The following PTPRA variants were observed in gnomAD, a reference collection of about 807,000 sequenced individuals.
The protein encoded by PTPRA is protein tyrosine phosphatase receptor type A, also known as receptor-type tyrosine-protein phosphatase alpha.
A neutral mutation model predicts 104.8 loss-of-function variants in PTPRA; 25 were observed. That is an observed-to-expected ratio of 0.24 (90% CI 0.17 to 0.33). The LOEUF (loss-of-function observed/expected upper bound fraction) is 0.33, where lower values mean the gene tolerates loss of function less well. PTPRA is among the 10% of genes least tolerant of loss of function. The pLI is 1.00. For synonymous variants in PTPRA, 323 were observed against 368.9 expected (o/e 0.88, Z 1.43); for missense variants, 765 against 1,015.3 (o/e 0.75, Z 3.35).
In PTPRA at chr20:3,038,273, G is replaced by A; in HGVS notation, c.*140G>A. The A allele has an allele frequency of 1.4e-6, 1 of 722,592 alleles. No individual in the cohort carries two copies. The highest frequency in any genetic ancestry group is 1.9e-5 in the South Asian group (1 of 52,466). The allele number at this position is 722,592 out of a possible 1,614,324, so 44.8% of individuals were successfully genotyped here. On this transcript the variant is annotated 3_prime_UTR_variant, in exon 24 of 24. Transcript: ENST00000399903. ...CATAGGCTTCTATTACCTATTAGGT[G>A]GAAATTTTATATGTAAATGTGTTAG...
intron 22 of PTPRA, among the ~76,000 whole-genome samples, chr20:3,036,841 G>C (rs982427354): frequency 1.3e-5 from 2 of 152,176 alleles, no homozygotes; most frequent in African/African-American, 2.4e-5. Context: ...AGTTCTAACT[G>C]AGCGAACAGC....
At chr20:2,879,969 T>C (rs964130002) in intron 1 of PTPRA, among the ~76,000 whole-genome samples, 4 of 152,222 alleles carry the variant, frequency 2.6e-5, no homozygotes, top group Non-Finnish European at 4.4e-5. Flanking sequence ...CCTGTATATA[T>C]ATTTTAACTC....
At chr20:2,956,071 T>A (rs2061525395) in intron 3 of PTPRA, among the ~76,000 whole-genome samples, 1 of 152,172 alleles carries the variant, frequency 6.6e-6, no homozygotes, top group Non-Finnish European at 1.5e-5. Context: ...TAGCCTTCGA[T>A]TCTACCCCTA....
chr20:2,945,065 C>T (rs1327019568), intron 2 of PTPRA, among the ~76,000 whole-genome samples: 1 of 152,022 alleles, frequency 6.6e-6, no homozygotes, highest in Non-Finnish European at 1.5e-5. Flanking sequence ...CTTTTTGCTT[C>T]TCTCTGCTTC....
intron 3 of PTPRA, among the ~76,000 whole-genome samples, chr20:2,951,432 C>G (rs2147799921): frequency 6.6e-6 from 1 of 152,292 alleles, no homozygotes; most frequent in East Asian, 1.9e-4. Flanking sequence ...TCAGGGCTAG[C>G]CAATTCCTAG....
intron 3 of PTPRA, among the ~76,000 whole-genome samples, chr20:2,954,642 A>G (rs570480006): frequency 1.3e-5 from 2 of 152,260 alleles, no homozygotes; most frequent in Admixed American, 6.5e-5. Flanking sequence ...TTTCCCATCC[A>G]TGGATTGCTT....
At chr20:2,981,881 A>G (rs2062687947) in intron 6 of PTPRA, among the ~76,000 whole-genome samples, 1 of 152,188 alleles carries the variant, frequency 6.6e-6, no homozygotes. Context: ...TCTCTTGGAC[A>G]TCGAGTCTGG....
chr20:2,948,007 A>G lies in PTPRA; in HGVS notation c.-24A>G, dbSNP rs569471159. 1.4e-3 allele frequency: 1,518 copies of G among 1,092,298 alleles called. 8 individuals carry two copies. The highest frequency in any genetic ancestry group is 0.012 in the Middle Eastern group (50 of 4,172). The allele number at this position is 1,092,298 out of a possible 1,614,324, so 67.7% of individuals were successfully genotyped here. A position where few individuals can be genotyped will look rare whatever the true frequency, so the allele number is the denominator to read the frequency against. ...GACACATGTTCAAAGAGCATAATTA[A>G]CTTTTTAAAAGAAGCTAGTAAGTAC... On this transcript the variant is annotated 5_prime_UTR_variant, in exon 3 of 24. An upstream open reading frame in the 5' UTR loses its in-frame stop. Transcript: ENST00000399903.
chr20:2,925,919 C>T (rs952889180), intron 2 of PTPRA, among the ~76,000 whole-genome samples: 3 of 152,104 alleles, frequency 2.0e-5, no homozygotes, highest in African/African-American at 7.2e-5. Context: ...AGTAAAATTA[C>T]TGGATCATAT....
At chr20:2,949,424 TC>T (rs1183893985) in intron 3 of PTPRA, among the ~76,000 whole-genome samples, 1 of 151,966 alleles carries the variant, frequency 6.6e-6, no homozygotes, top group African/African-American at 2.4e-5. Flanking sequence ...AGTATTAGTC[TC>T]CTTTCTAATT....
At chr20:2,888,942 C>A (rs925759982) in intron 1 of PTPRA, among the ~76,000 whole-genome samples, 1 of 152,136 alleles carries the variant, frequency 6.6e-6, no homozygotes, top group Non-Finnish European at 1.5e-5. Context: ...GAGCTCAATT[C>A]GGTTTCCCCA....
chr20:2,915,537 A>AT (rs1378175861), intron 1 of PTPRA, among the ~76,000 whole-genome samples: 9 of 152,068 alleles, frequency 5.9e-5, no homozygotes, highest in African/African-American at 9.7e-5. Flanking sequence ...ATGATATCTG[A>AT]TTAACACATA....
chr20:2,985,794 C>G (rs186358221), intron 6 of PTPRA, among the ~76,000 whole-genome samples: 7 of 152,282 alleles, frequency 4.6e-5, no homozygotes, highest in Admixed American at 2.6e-4. Flanking sequence ...TTTTATTTAG[C>G]TGGTCTCAAA....
At chr20:2,932,848 G>A (rs2060557503) in intron 2 of PTPRA, among the ~76,000 whole-genome samples, 1 of 152,106 alleles carries the variant, frequency 6.6e-6, no homozygotes, top group South Asian at 2.1e-4. Context: ...TTGTAGGCTG[G>A]GGGTGTACTT....
At chr20:3,017,216 G>A (rs2064510601) in intron 12 of PTPRA, among the ~76,000 whole-genome samples, 1 of 152,042 alleles carries the variant, frequency 6.6e-6, no homozygotes, top group South Asian at 2.1e-4. Flanking sequence ...GTTGCATTGT[G>A]GATTGGTTGC....
intron 9 of PTPRA, among the ~76,000 whole-genome samples, chr20:3,001,357 C>A (rs1204746966): frequency 1.3e-5 from 2 of 152,180 alleles, no homozygotes; most frequent in Non-Finnish European, 2.9e-5. Flanking sequence ...CACCTGGAGA[C>A]CTAGTTTTTC....
intron 1 of PTPRA, among the ~76,000 whole-genome samples, chr20:2,919,291 A>T (rs1010397021): frequency 6.6e-6 from 1 of 152,208 alleles, no homozygotes; most frequent in African/African-American, 2.4e-5. Flanking sequence ...AATGCATTTT[A>T]AAATTTGCTG....
intron 2 of PTPRA, among the ~76,000 whole-genome samples, chr20:2,945,477 T>G (rs1020375704): frequency 6.6e-5 from 10 of 152,102 alleles, no homozygotes; most frequent in African/African-American, 2.4e-4. Context: ...CTACCTAATA[T>G]ACCTATTATG....
In PTPRA at chr20:3,024,607, G is replaced by A; in HGVS notation, c.1600G>A (p.Glu534Lys). The A allele has an allele frequency of 6.2e-7, 1 of 1,614,170 alleles. No individual in the cohort carries two copies. The highest frequency in any genetic ancestry group is 2.2e-5 in the East Asian group (1 of 44,886). The change falls in exon 17 of 24, where the codon GAG becomes AAG. Residue 534 changes from glutamate to lysine, a missense_variant. Physicochemically the swap from Glu to Lys is moderately conservative, Grantham distance 56. Transcript: ENST00000399903. ...KIPGTSNNGLEEEFKKLTSIK... is the reference protein window; with the variant it reads ...KIPGTSNNGLKEEFKKLTSIK... ...CCCAGGGACCAGCAACAATGGATTA[G>A]AGGAGGAGTTTAAGGTGAGTTGGAG... is the stretch of plus-strand genomic sequence containing the variant.
Sources: gnomAD v4.1 joint callset for allele counts (sites outside exome capture counted in the v4.1 genomes callset) on GRCh38, gnomAD v4.1.1 for gene constraint, MANE v1.5 for transcripts, NCBI Gene and HGNC (gene_info 2026-07-23, HGNC 2026-07-21) for gene names.